KCNH4: variants seen among roughly 807,000 people sequenced by gnomAD.
KCNH4 encodes potassium voltage-gated channel subfamily H member 4.
A neutral mutation model predicts 90.7 loss-of-function variants in KCNH4; 33 were observed. The observed-to-expected ratio is 0.36, with a 90% CI of 0.28 to 0.49. The LOEUF is 0.49. Ranked by LOEUF, KCNH4 falls within the 20% of genes least tolerant of loss-of-function variation. The pLI, the probability that KCNH4 is intolerant of heterozygous loss-of-function variation, is 0.98. For missense variants in KCNH4, 1,044 were observed against 1,387.1 expected (o/e 0.75, Z 3.93); for synonymous variants, 551 against 581.7 (o/e 0.95, Z 0.76).
chr17:42,162,196 G>T, intron 15 of KCNH4, 52 bp downstream of exon 15: 1 of 1,506,644 alleles, frequency 6.6e-7, no homozygotes, highest in Non-Finnish European at 9.2e-7. Context: ...GCCACGTGTA[G>T]GGTCTGAAAT....
intron 2 of KCNH4, 82 bp downstream of exon 2, chr17:42,178,711 C>CTCAG (rs2079880292): frequency 7.7e-7 from 1 of 1,304,604 alleles, no homozygotes; most frequent in Non-Finnish European, 1.1e-6. Context: ...GGGACAAGCA[C>CTCAG]TCAGACTCCT....
chr17:42,163,217 T>C lies in KCNH4; in HGVS notation c.2584+11A>G, dbSNP rs368659322. On this transcript the variant is annotated intron_variant, in intron 14 of 16. Transcript: ENST00000264661. The surrounding 1 kb of genome is among the most constrained non-coding windows in gnomAD (Gnocchi z 5.4). Reference sequence around the variant, plus strand: ...TGGATGACGGGGTTGAAGTCCACTGTTGGCCCTTACCTGTAGGGGGCGCCT... The same window carrying C: ...TGGATGACGGGGTTGAAGTCCACTGCTGGCCCTTACCTGTAGGGGGCGCCT... 13 of 1,586,422 alleles carry C rather than the reference T, an allele frequency of 8.2e-6. No homozygotes were observed. Among genetic ancestry groups the C allele is most frequent in the Non-Finnish European group, 1.1e-5 (13 of 1,154,992 alleles).
intron 4 of KCNH4, among the ~76,000 whole-genome samples, chr17:42,177,803 G>A (rs1472971694): frequency 6.6e-6 from 1 of 152,158 alleles, no homozygotes; most frequent in Non-Finnish European, 1.5e-5. Flanking sequence ...ACCACCCATG[G>A]TATAACCCTA....
At chr17:42,178,618 G>C (rs918842328) in intron 2 of KCNH4, 141 bp from the exon 3 acceptor site, 10 of 1,231,536 alleles carry the variant, frequency 8.1e-6, no homozygotes, top group Non-Finnish European at 1.0e-5. Flanking sequence ...TCTGTCAGCC[G>C]ATTCCTTCAT....
intron 5 of KCNH4, 94 bp from the exon 6 acceptor site, chr17:42,175,830 G>T: frequency 6.8e-7 from 1 of 1,478,062 alleles, no homozygotes; most frequent in Non-Finnish European, 9.4e-7. Flanking sequence ...GGAGGAGGAG[G>T]CAGGCATGGA....
chr17:42,179,550 A>T (rs1412138242), intron 1 of KCNH4, among the ~76,000 whole-genome samples: 2 of 152,150 alleles, frequency 1.3e-5, no homozygotes, highest in Non-Finnish European at 2.9e-5. Flanking sequence ...AGAAGGTGAA[A>T]TTTTTTCCCC....
intron 6 of KCNH4, 67 bp from the exon 7 acceptor site, chr17:42,172,062 C>T (rs925249073): frequency 1.5e-6 from 2 of 1,352,094 alleles, no homozygotes; most frequent in African/African-American, 1.4e-5. Context: ...AGTCCCCTCC[C>T]AGGGCCTTCC....
chr17:42,160,530 C>A, intron 15 of KCNH4, 95 bp from the exon 16 acceptor site: 1 of 1,295,370 alleles, frequency 7.7e-7, no homozygotes, highest in Non-Finnish European at 1.0e-6. Context: ...CAGCCACTTT[C>A]TGCTCATGGC....
In KCNH4 at chr17:42,163,866, C is replaced by A; in HGVS notation, c.2217G>T (p.Arg739Ser). Residue 739 changes from arginine (R) to serine (S), a missense_variant, in exon 13 of 17, where the codon AGG (arginine) becomes AGT (serine). Transcript: ENST00000264661. The surrounding 1 kb of genome is among the most constrained non-coding windows in gnomAD (Gnocchi z 5.4). The stretch of plus-strand genomic sequence containing the variant: ...TGGGCAGCAGGAGGGGCCGTCGGGG[C>A]CTGGGACCACCCCCAGGCTCCGCGC... ...ESGAEPGGGPRPRRPLLLPNL... is the reference protein window; with the variant it reads ...ESGAEPGGGPSPRRPLLLPNL... 2 of 1,520,362 alleles carry A rather than the reference C, an allele frequency of 1.3e-6. No individual in the cohort carries two copies. Among genetic ancestry groups the A allele is most frequent in the Admixed American group, 2.2e-5 (1 of 45,598 alleles). The allele number at this position is 1,520,362 out of a possible 1,614,324, so 94.2% of individuals were successfully genotyped here.
At chr17:42,164,204 C>A (rs763432297) in intron 11 of KCNH4, 36 bp from the exon 12 acceptor site, 30 of 1,516,792 alleles carry the variant, frequency 2.0e-5, no homozygotes. Flanking sequence ...CTGATTCCTG[C>A]CTTCCCGCGG....
Position 42,181,065 on chromosome 17 carries a change from C to G in KCNH4, c.-120G>C. ...TGCGCCCTCCTGCCTCCTCCCCTCC[C>G]TCTTACTGCCGCTGCCGCTGCCGCT... On this transcript the variant is annotated 5_prime_UTR_variant, in exon 1 of 17. Transcript: ENST00000264661. The G allele has an allele frequency of 1.2e-6, 1 of 823,790 alleles. No individual in the cohort carries two copies. Among genetic ancestry groups the G allele is most frequent in the Non-Finnish European group, 1.9e-6 (1 of 528,812 alleles). The allele number at this position is 823,790 out of a possible 1,614,324, so 51.0% of individuals were successfully genotyped here.
At position 42,163,976 on chromosome 17, in the gene KCNH4, A is replaced by G; in HGVS notation, c.2125-18T>C. ...GAGCGGGGCTGCGGGCAGAGGGGGC[A>G]GCTGATGTCGCAGGACAGTGAACAA... On this transcript the variant is annotated intron_variant, in intron 12 of 16. Coordinates refer to ENST00000264661, the MANE Select transcript of KCNH4 (RefSeq NM_012285.3). This position sits in a 1 kb window ranked among gnomAD's most constrained non-coding sequence, Gnocchi z 5.4. 1 of 1,520,796 alleles carries G rather than the reference A, an allele frequency of 6.6e-7. No homozygotes were observed. The highest frequency in any genetic ancestry group is 1.2e-5 in the South Asian group (1 of 80,378). The allele number at this position is 1,520,796 out of a possible 1,614,324, so 94.2% of individuals were successfully genotyped here.
chr17:42,175,790 C>A, intron 5 of KCNH4, 54 bp from the exon 6 acceptor site: 1 of 1,600,576 alleles, frequency 6.2e-7, no homozygotes, highest in Non-Finnish European at 8.6e-7. Flanking sequence ...GTCAAGAAAC[C>A]GACAAAGCTG....
intron 4 of KCNH4, among the ~76,000 whole-genome samples, chr17:42,177,588 TGG>T (rs1263710328): frequency 6.6e-6 from 1 of 152,170 alleles, no homozygotes; most frequent in Non-Finnish European, 1.5e-5. Flanking sequence ...AAGTTCCTCT[TGG>T]GTTCTGGGGG....
rs2079891667 is a variant in KCNH4 at position 42,180,214 on chromosome 17, G to C, written c.76+656C>G. Among the ~76,000 whole-genome samples, 1 of 152,186 alleles carries C rather than the reference G, an allele frequency of 6.6e-6. No homozygotes were observed. Among genetic ancestry groups the C allele is most frequent in the African/African-American group, 2.4e-5 (1 of 41,442 alleles). ...GGAATGGCGGGGTTGGGGGAGGTGAGGGCGGGGAATCTCTGGGTTCCAGAG... is the reference window on the plus strand; with the variant it reads ...GGAATGGCGGGGTTGGGGGAGGTGACGGCGGGGAATCTCTGGGTTCCAGAG... On this transcript the variant is annotated intron_variant, in intron 1 of 16. Transcript: ENST00000264661. This position sits in a 1 kb window ranked among gnomAD's most constrained non-coding sequence, Gnocchi z 4.7.
At chr17:42,166,664 A>G in intron 9 of KCNH4, 118 bp from the exon 10 acceptor site, 1 of 1,277,154 alleles carries the variant, frequency 7.8e-7, no homozygotes, top group Non-Finnish European at 1.1e-6. Context: ...GAAGTCACCC[A>G]TTCCAGACCT....
rs1360104532 is a variant in KCNH4, at chr17:42,163,222, C to A, written c.2584+6G>T. The A allele has an allele frequency of 5.0e-6, 8 of 1,602,418 alleles. No homozygotes were observed. The highest frequency in any genetic ancestry group is 6.8e-6 in the Non-Finnish European group (8 of 1,169,568). ...GACGGGGTTGAAGTCCACTGTTGGC[C>A]CTTACCTGTAGGGGGCGCCTGGGAG... On this transcript the variant is annotated splice_donor_region_variant and intron_variant, in intron 14 of 16. Transcript: ENST00000264661. This position sits in a 1 kb window ranked among gnomAD's most constrained non-coding sequence, Gnocchi z 5.4.
At position 42,164,222 on chromosome 17, in the gene KCNH4, G is replaced by A. The variant is rs375428691; in HGVS notation, c.2086-54C>T. On this transcript the variant is annotated intron_variant, in intron 11 of 16. Transcript: ENST00000264661. ...ATTCCTGCCTTCCCGCGGCCATAGC[G>A]CAGACCCTCCCTGTCCCACCCAACA... 99 of 1,471,250 alleles carry A rather than the reference G, an allele frequency of 6.7e-5. No individual in the cohort carries two copies. The African/African-American group carries it at 1.1e-3, about 16-fold the overall frequency. The allele number at this position is 1,471,250 out of a possible 1,614,324, so 91.1% of individuals were successfully genotyped here.
chr17:42,165,354 A>C (rs770459907), intron 11 of KCNH4, 95 bp downstream of exon 11: 1 of 1,488,292 alleles, frequency 6.7e-7, no homozygotes, highest in Non-Finnish European at 9.2e-7. Flanking sequence ...ATGTGTTTTT[A>C]GGGTGGAGGG....
Sources: allele counts gnomAD v4.1 joint callset (sites outside exome capture counted in the v4.1 genomes callset), GRCh38; gene constraint gnomAD v4.1.1; non-coding constraint Gnocchi (gnomAD v3.1); transcripts MANE v1.5; gene names NCBI Gene and HGNC (gene_info 2026-07-23, HGNC 2026-07-21).